Variants in ABCC12 observed in about 807,000 individuals in gnomAD.
ABCC12 encodes the protein ATP binding cassette subfamily C member 12.
ABCC12 carries 142 observed loss-of-function variants against 151.1 expected under a neutral mutation model. The ratio of observed to expected loss-of-function variants is 0.94; its 90% CI spans 0.82 to 1.08. The LOEUF is 1.08. Among genes scored for constraint, ABCC12 ranks in the 50% least tolerant of loss-of-function variants. The pLI, the probability that ABCC12 is intolerant of heterozygous loss-of-function variation, is 0.00. For missense variants in ABCC12, 1,638 were observed against 1,691.1 expected (o/e 0.97, Z 0.55); for synonymous variants, 645 against 646.4 (o/e 1.00, Z 0.03).
At chr16:48,101,885 C>A (rs555565656) in intron 22 of ABCC12, among the ~76,000 whole-genome samples, 1 of 152,260 alleles carries the variant, frequency 6.6e-6, no homozygotes, top group African/African-American at 2.4e-5. Context: ...GCATGACATC[C>A]AGGACTTGCT....
chr16:48,111,445 C>T lies in ABCC12; in HGVS notation c.2272G>A (p.Asp758Asn), dbSNP rs766534880. ...GATGTGTGGTAAATACCTTTTGTGT[C>T]TACAAATTCTGAGCCTGTTTCAGAT... ...KESETGSEFV[D>N]TKVPEHQLIQ... The change falls in exon 18 of 31, where the codon GAC (aspartate) becomes AAC (asparagine). Residue 758 changes from aspartate to asparagine, a missense_variant. By Grantham distance (23) the Asp-to-Asn change is conservative. Coordinates refer to ENST00000311303, the MANE Select transcript of ABCC12 (RefSeq NM_001393797.1). 4 of 1,614,096 alleles carry T rather than the reference C, an allele frequency of 2.5e-6. No homozygotes were observed. Among genetic ancestry groups the T allele is most frequent in the African/African-American group, 1.3e-5 (1 of 75,046 alleles).
At chr16:48,119,455 T>A (rs1963996836) in intron 13 of ABCC12, among the ~76,000 whole-genome samples, 1 of 152,250 alleles carries the variant, frequency 6.6e-6, no homozygotes, top group African/African-American at 2.4e-5. Context: ...CAACCCTCTG[T>A]CCAGTCCGCA....
In ABCC12 at chr16:48,148,684, A is replaced by G. The variant is rs559932432; in HGVS notation, c.-50-2210T>C. 6.0e-4 allele frequency among the ~76,000 whole-genome samples: 92 copies of G among 152,144 alleles called. 2 individuals are homozygous for G. In the South Asian group the frequency reaches 0.019, roughly 31 times the overall value. Reference sequence around the variant, plus strand: ...CCACCTTCTATTTGTACCATTGAATACTGCACTCCAGCCATGTGGAATATC... The same window carrying G: ...CCACCTTCTATTTGTACCATTGAATGCTGCACTCCAGCCATGTGGAATATC... On this transcript the variant is annotated intron_variant, in intron 2 of 30. Coordinates refer to ENST00000311303, the MANE Select transcript of ABCC12 (RefSeq NM_001393797.1).
chr16:48,134,582 G>A (rs967635798), intron 8 of ABCC12, among the ~76,000 whole-genome samples: 2 of 152,200 alleles, frequency 1.3e-5, no homozygotes, highest in African/African-American at 4.8e-5. Flanking sequence ...AGCTCTGACT[G>A]CAGTTTTTGT....
chr16:48,125,278 G>A (rs550710015), intron 11 of ABCC12, among the ~76,000 whole-genome samples: 2 of 152,324 alleles, frequency 1.3e-5, no homozygotes, highest in East Asian at 3.9e-4. Flanking sequence ...GAAACTGCAG[G>A]AAACTCTGGG....
intron 23 of ABCC12, 67 bp from the exon 24 acceptor site, chr16:48,096,969 G>A (rs1457113739): frequency 1.2e-5 from 20 of 1,603,062 alleles, no homozygotes; most frequent in Admixed American, 1.7e-5. Context: ...AGGAGATCAG[G>A]TTGTGCTGTA....
chr16:48,153,937 C>A (rs897919567), intron 1 of ABCC12, 53 bp from the exon 2 acceptor site: 4 of 152,174 alleles, frequency 2.6e-5, no homozygotes, highest in African/African-American at 9.7e-5. Context: ...CTTTGGCTAA[C>A]GTCTCTATCC....
chr16:48,131,608 C>T (rs367828457), intron 9 of ABCC12, among the ~76,000 whole-genome samples: 3 of 152,196 alleles, frequency 2.0e-5, no homozygotes, highest in South Asian at 2.1e-4. Flanking sequence ...CTTCTCCCTT[C>T]GGTTGGTGCC....
At chr16:48,096,924 G>T in intron 23 of ABCC12, 22 bp from the exon 24 acceptor site, 1 of 1,613,984 alleles carries the variant, frequency 6.2e-7, no homozygotes, top group Non-Finnish European at 8.5e-7. Flanking sequence ...GTCGTTTAGC[G>T]TCTTAAACCT....
At chr16:48,141,095 C>T in intron 5 of ABCC12, 111 bp downstream of exon 5, 1 of 1,481,564 alleles carries the variant, frequency 6.7e-7, no homozygotes. Context: ...CCAAGGAGCG[C>T]AAAGATAATG....
At chr16:48,121,559 G>C in intron 13 of ABCC12, 157 bp downstream of exon 13, 1 of 1,031,628 alleles carries the variant, frequency 9.7e-7, no homozygotes, top group Non-Finnish European at 1.4e-6. Flanking sequence ...CTTGGCTCAG[G>C]AAGAGGAAAA....
At chr16:48,115,777 C>T (rs775157878) in intron 14 of ABCC12, among the ~76,000 whole-genome samples, 159 bp from the exon 15 acceptor site, 5 of 152,204 alleles carry the variant, frequency 3.3e-5, no homozygotes, top group Admixed American at 2.0e-4. Flanking sequence ...CCCGGTCACA[C>T]GAGACTCTGT....
chr16:48,121,688 T>C (rs1406972312), intron 13 of ABCC12, 28 bp downstream of exon 13: 2 of 1,613,650 alleles, frequency 1.2e-6, no homozygotes, highest in East Asian at 4.5e-5. Flanking sequence ...AACACAAATG[T>C]GCCTCCTGCT....
At chr16:48,152,662 C>T (rs1965132651) in intron 2 of ABCC12, among the ~76,000 whole-genome samples, 1 of 152,212 alleles carries the variant, frequency 6.6e-6, no homozygotes, top group Non-Finnish European at 1.5e-5. Context: ...CCCTCTGGCC[C>T]ACCAGATCGG....
intron 23 of ABCC12, among the ~76,000 whole-genome samples, chr16:48,097,835 A>G (rs1157083538): frequency 6.6e-6 from 1 of 152,200 alleles, no homozygotes; most frequent in Non-Finnish European, 1.5e-5. Context: ...CAATGCTGGC[A>G]GAACTCCTGG....
At position 48,108,595 on chromosome 16, in the gene ABCC12, G is replaced by C. The variant is rs574041765; in HGVS notation, c.2282-66C>G. On this transcript the variant is annotated intron_variant, in intron 18 of 30. Transcript: ENST00000311303. The stretch of plus-strand genomic sequence containing the variant: ...GGTGGGGGCCCAGCGAGGTAGGCAC[G>C]GCCCCTCCACAGACTCCACAACACG... 47 of 1,341,152 alleles carry C rather than the reference G, an allele frequency of 3.5e-5. No individual in the cohort carries two copies. In the Admixed American group the frequency reaches 8.1e-4, roughly 23 times the overall value. 83.1% of individuals were successfully genotyped at this position (1,341,152 alleles called of 1,614,324 possible).
intron 10 of ABCC12, among the ~76,000 whole-genome samples, chr16:48,130,411 C>T (rs529542819): frequency 2.0e-5 from 3 of 152,206 alleles, no homozygotes; most frequent in South Asian, 2.1e-4. Context: ...ATGTAGGGAC[C>T]CCAACATCCT....
intron 6 of ABCC12, 133 bp downstream of exon 6, chr16:48,140,554 G>A (rs1964768602): frequency 1.2e-6 from 1 of 841,644 alleles, no homozygotes; most frequent in South Asian, 1.6e-5. Flanking sequence ...ACTTAGCCAG[G>A]AGATGGGACA....
At position 48,107,350 on chromosome 16, in the gene ABCC12, A is replaced by G; in HGVS notation, c.2447T>C (p.Leu816Pro). 1 of 1,614,206 alleles carries G rather than the reference A, an allele frequency of 6.2e-7. No individual in the cohort carries two copies. Among genetic ancestry groups the G allele is most frequent in the Non-Finnish European group, 8.5e-7 (1 of 1,180,016 alleles). ...TGAGCCCTTGTCCAACCAGAGACCCAGCCACCAGTTGCTGAAGGCAGCGCT... is the reference window on the plus strand; with the variant it reads ...TGAGCCCTTGTCCAACCAGAGACCCGGCCACCAGTTGCTGAAGGCAGCGCT... ...IGSAAFSNWW[L>P]GLWLDKGSRM... Residue 816 changes from leucine to proline, a missense_variant, in exon 20 of 31, where the codon CTG (leucine) becomes CCG (proline). Coordinates refer to ENST00000311303, the MANE Select transcript of ABCC12 (RefSeq NM_001393797.1).
Sources: gnomAD v4.1 joint callset for allele counts (sites outside exome capture counted in the v4.1 genomes callset) on GRCh38, gnomAD v4.1.1 for gene constraint, MANE v1.5 for transcripts, NCBI Gene and HGNC (gene_info 2026-07-23, HGNC 2026-07-21) for gene names.